The following CNTNAP2 variants were observed in gnomAD, a reference collection of about 807,000 sequenced individuals.
CNTNAP2 encodes the protein contactin-associated protein-like 2.
A neutral mutation model predicts 155.2 loss-of-function variants in CNTNAP2; 98 were observed. The observed-to-expected ratio is 0.63, with a 90% CI of 0.54 to 0.75. The LOEUF (loss-of-function observed/expected upper bound fraction) is 0.75, where lower values mean the gene tolerates loss of function less well. Ranked by LOEUF, CNTNAP2 falls within the 30% of genes least tolerant of loss-of-function variation. The probability of loss-of-function intolerance (pLI) is 0.00; values close to 1 mark genes in which losing one functional copy is unlikely to be tolerated. For missense variants in CNTNAP2, 1,727 were observed against 1,688.1 expected (o/e 1.02, Z -0.40); for synonymous variants, 651 against 631.2 (o/e 1.03, Z -0.47).
At chr7:148,191,980 A>G (rs901856989) in intron 18 of CNTNAP2, among the ~76,000 whole-genome samples, 1 of 152,212 alleles carries the variant, frequency 6.6e-6, no homozygotes, top group African/African-American at 2.4e-5. Context: ...TACAACATAT[A>G]TGATCAAGAA....
intron 6 of CNTNAP2, among the ~76,000 whole-genome samples, chr7:147,128,326 A>T (rs1357605564): frequency 2.6e-5 from 4 of 152,210 alleles, no homozygotes; most frequent in African/African-American, 9.6e-5. Context: ...GCATTTATTG[A>T]TAGTATGTCT....
chr7:147,455,303 C>T (rs7781124), intron 10 of CNTNAP2, among the ~76,000 whole-genome samples: 116,235 of 152,026 alleles, frequency 0.76, 44,619 homozygotes, highest in African/African-American at 0.83. Flanking sequence ...TTTTCACTAG[C>T]AGAACAAAGG....
rs114592464 is a variant in CNTNAP2 at position 148,196,732 on chromosome 7, C to T, written c.3011-20556C>T. On this transcript the variant is annotated intron_variant, in intron 18 of 23. Coordinates refer to ENST00000361727, the MANE Select transcript of CNTNAP2 (RefSeq NM_014141.6). ...AAGGATTTGAACATAGACAATTTTG[C>T]TCTAACACCTGTGCCCTTAACCACT... 9.7e-3 allele frequency among the ~76,000 whole-genome samples: 1,476 copies of T among 152,272 alleles called. 32 individuals are homozygous for T. Among genetic ancestry groups the T allele is most frequent in the African/African-American group, 0.034 (1,416 of 41,542 alleles).
At chr7:147,277,820 T>C (rs1804933211) in intron 8 of CNTNAP2, among the ~76,000 whole-genome samples, 1 of 151,658 alleles carries the variant, frequency 6.6e-6, no homozygotes, top group African/African-American at 2.4e-5. Flanking sequence ...GTGGCCACAA[T>C]AATTTTTCCT....
intron 10 of CNTNAP2, among the ~76,000 whole-genome samples, chr7:147,410,626 ACT>A (rs1797087765): frequency 6.6e-6 from 1 of 152,086 alleles, no homozygotes; most frequent in Admixed American, 6.5e-5. Context: ...GCAGAGCTAT[ACT>A]CTCTAATACT....
At chr7:148,326,897 A>G (rs1797901896) in intron 21 of CNTNAP2, among the ~76,000 whole-genome samples, 1 of 151,682 alleles carries the variant, frequency 6.6e-6, no homozygotes, top group Admixed American at 6.6e-5. Context: ...AAATGGAATG[A>G]AGAACCTCTG....
chr7:146,744,748 C>T (rs1326492634), intron 1 of CNTNAP2, among the ~76,000 whole-genome samples: 1 of 152,120 alleles, frequency 6.6e-6, no homozygotes, highest in Non-Finnish European at 1.5e-5. Context: ...TAGAGGAACA[C>T]AGCTGTGTGA....
intron 1 of CNTNAP2, among the ~76,000 whole-genome samples, chr7:146,565,035 G>T (rs145380752): frequency 1.9e-3 from 293 of 152,098 alleles, no homozygotes; most frequent in African/African-American, 6.6e-3. Context: ...TAATATTTCA[G>T]TCTGCTTTTT....
intron 8 of CNTNAP2, among the ~76,000 whole-genome samples, chr7:147,294,862 G>A (rs1344422754): frequency 3.9e-5 from 6 of 152,014 alleles, no homozygotes; most frequent in Non-Finnish European, 7.4e-5. Context: ...GTTTCATCAT[G>A]TTGGCCAGGC....
Position 148,010,294 on chromosome 7 carries a change from T to C in CNTNAP2, c.2383+32305T>C, listed in dbSNP as rs528792748. ...TAATTTGTATATACTGCAGCTGTCA[T>C]CTCCTAATCTTTGTCTTGTCTTTTT... On this transcript the variant is annotated intron_variant, in intron 15 of 23. Transcript: ENST00000361727. Among the ~76,000 whole-genome samples the C allele has an allele frequency of 1.7e-3, 253 of 151,916 alleles. 2 individuals carry two copies. The highest frequency in any genetic ancestry group is 5.8e-3 in the African/African-American group (242 of 41,538).
At chr7:147,157,095 A>G (rs1012320205) in intron 8 of CNTNAP2, among the ~76,000 whole-genome samples, 22 of 152,104 alleles carry the variant, frequency 1.4e-4, no homozygotes, top group African/African-American at 5.3e-4. Context: ...GAATATTTTC[A>G]AGAAACTCAG....
chr7:146,652,360 C>A (rs984901683), intron 1 of CNTNAP2, among the ~76,000 whole-genome samples: 1 of 152,132 alleles, frequency 6.6e-6, no homozygotes, highest in African/African-American at 2.4e-5. Flanking sequence ...GATTATCTCA[C>A]TGTGGGCTAC....
chr7:148,301,306 A>ATATATATATATATATATATAT (rs1554414674), intron 21 of CNTNAP2, among the ~76,000 whole-genome samples: 18 of 103,846 alleles, frequency 1.7e-4, no homozygotes, highest in Middle Eastern at 0.01. Context: ...AAAAAAAAAA[A>ATATATATATATATATATATAT]ATATATATAT....
At chr7:148,023,961 A>T (rs34910390) in intron 15 of CNTNAP2, among the ~76,000 whole-genome samples, 6,900 of 152,184 alleles carry the variant, frequency 0.045, 280 homozygotes, top group East Asian at 0.25. Flanking sequence ...ATAAGACTTC[A>T]TGTTACAGAA....
intron 4 of CNTNAP2, among the ~76,000 whole-genome samples, chr7:147,074,525 G>A (rs1174948137): frequency 6.6e-6 from 1 of 151,962 alleles, no homozygotes; most frequent in Non-Finnish European, 1.5e-5. Flanking sequence ...ATTTCTTCAT[G>A]TTCATAATGC....
chr7:147,186,234 A>T (rs1220321971), intron 8 of CNTNAP2, among the ~76,000 whole-genome samples: 1 of 152,218 alleles, frequency 6.6e-6, no homozygotes, highest in Non-Finnish European at 1.5e-5. Context: ...GTTGGGTCAT[A>T]GACTCAAGAG....
intron 13 of CNTNAP2, among the ~76,000 whole-genome samples, chr7:147,683,568 A>G (rs1459779424): frequency 6.6e-6 from 1 of 151,834 alleles, no homozygotes; most frequent in Admixed American, 6.6e-5. Flanking sequence ...ATGAACAACA[A>G]TTACCTTGTC....
intron 13 of CNTNAP2, among the ~76,000 whole-genome samples, chr7:147,687,799 G>A (rs1796035389): frequency 6.6e-6 from 1 of 152,088 alleles, no homozygotes; most frequent in Admixed American, 6.6e-5. Flanking sequence ...TACACTGTAA[G>A]TTCTAATGCT....
At chr7:147,762,643 G>C (rs763679291) in intron 13 of CNTNAP2, among the ~76,000 whole-genome samples, 2 of 143,536 alleles carry the variant, frequency 1.4e-5, no homozygotes, top group African/African-American at 5.2e-5. Context: ...ATTAACTACT[G>C]AATTAATAGT....
Sources: gnomAD v4.1 joint callset for allele counts (sites outside exome capture counted in the v4.1 genomes callset) on GRCh38, gnomAD v4.1.1 for gene constraint, MANE v1.5 for transcripts, NCBI Gene and HGNC (gene_info 2026-07-23, HGNC 2026-07-21) for gene names.